The following HYDIN variants were observed in gnomAD, a reference collection of about 807,000 sequenced individuals.
The protein encoded by HYDIN is HYDIN axonemal central pair apparatus protein.
A neutral mutation model predicts 403.9 loss-of-function variants in HYDIN; 132 were observed. The observed-to-expected ratio is 0.33, with a 90% CI of 0.28 to 0.38. The LOEUF is 0.38. HYDIN is among the 10% of genes least tolerant of loss of function. The probability of loss-of-function intolerance (pLI) is 1.00; values close to 1 mark genes in which losing one functional copy is unlikely to be tolerated. For missense variants in HYDIN, 2,827 were observed against 5,009.5 expected, an observed-to-expected ratio of 0.56 and a Z score of 13.15; for synonymous variants, 1,202 against 1,891.7, an observed-to-expected ratio of 0.64 and a Z score of 9.46.
intron 75 of HYDIN, 48 bp from the exon 76 acceptor site, chr16:70,840,281 G>C: frequency 1.8e-6 from 2 of 1,137,912 alleles, no homozygotes; most frequent in Non-Finnish European, 1.2e-6. Context: ...GAAGTAGGAG[G>C]AGAGGGCTCT....
chr16:70,944,786 T>C (rs1351586924), intron 41 of HYDIN, among the ~76,000 whole-genome samples: 1 of 148,328 alleles, frequency 6.7e-6, no homozygotes, highest in Admixed American at 6.7e-5. Context: ...GGAGTCTCAC[T>C]CTGTTGCCCA....
intron 3 of HYDIN, among the ~76,000 whole-genome samples, chr16:71,179,257 T>A (rs1729345116): frequency 6.6e-6 from 1 of 152,060 alleles, no homozygotes; most frequent in Non-Finnish European, 1.5e-5. Flanking sequence ...AATAGAATAT[T>A]TAACTTTCAA....
chr16:71,099,847 A>T (rs1350844354), intron 10 of HYDIN, among the ~76,000 whole-genome samples: 4 of 151,830 alleles, frequency 2.6e-5, no homozygotes, highest in Non-Finnish European at 5.9e-5. Context: ...ACAACTTTTT[A>T]AAAAAGTTAG....
intron 8 of HYDIN, among the ~76,000 whole-genome samples, chr16:71,135,578 G>A (rs1362761294): frequency 6.8e-6 from 1 of 147,806 alleles, no homozygotes; most frequent in Non-Finnish European, 1.5e-5. Context: ...GAATGATACT[G>A]AAACACTACT....
At position 70,882,704 on chromosome 16, in the gene HYDIN, T is replaced by C. The variant is rs2040884606; in HGVS notation, c.10171A>G (p.Ile3391Val). 8.5e-6 allele frequency: 12 copies of C among 1,415,136 alleles called. No homozygotes were observed. The East Asian group carries it at 2.7e-4, about 32-fold the overall frequency. The allele number at this position is 1,415,136 out of a possible 1,614,324, so 87.7% of individuals were successfully genotyped here. ...ARFKISNVGK[I>V]TCDVNIVVRP... is the part of the protein sequence containing the mutation. ...ACTACAATGTTGACATCACAGGTGA[T>C]CTTTCCCACGTTGCTGATCTTGAAA... Residue 3391 changes from isoleucine (I) to valine (V), a missense_variant, in exon 60 of 86, where the codon ATC (isoleucine) becomes GTC (valine). Coordinates refer to ENST00000393567, the MANE Select transcript of HYDIN (RefSeq NM_001270974.2).
chr16:71,111,508 G>C (rs1458844492), intron 10 of HYDIN, among the ~76,000 whole-genome samples: 2 of 151,922 alleles, frequency 1.3e-5, no homozygotes, highest in Non-Finnish European at 2.9e-5. Flanking sequence ...AGAGTAACTT[G>C]GGTTTGTTGT....
intron 1 of HYDIN, among the ~76,000 whole-genome samples, chr16:71,193,873 C>T (rs1353885998): frequency 6.6e-6 from 1 of 152,124 alleles, no homozygotes; most frequent in East Asian, 1.9e-4. Context: ...ATCTTCTATT[C>T]CCAAGCCCCT....
Position 71,230,651 on chromosome 16 carries a change from G to T in HYDIN, c.-113C>A, listed in dbSNP as rs2041244447. ...TCACAGACCCCGCCGCCGCTGAGGG[G>T]CTCCATACCCAGCTTGAAGCCGCCC... On this transcript the variant is annotated 5_prime_UTR_variant, in exon 1 of 86. Coordinates refer to ENST00000393567, the MANE Select transcript of HYDIN (RefSeq NM_001270974.2). 4 of 1,536,026 alleles carry T rather than the reference G, an allele frequency of 2.6e-6. No homozygotes were observed. The highest frequency in any genetic ancestry group is 1.7e-6 in the Non-Finnish European group (2 of 1,146,872).
intron 11 of HYDIN, chr16:71,090,592 T>C (rs2083089518): frequency 6.6e-6 from 1 of 152,232 alleles, no homozygotes; most frequent in Admixed American, 6.5e-5. Context: ...CTTGAACTCC[T>C]AGGCTCAAGT....
rs374438008 is a variant in HYDIN at position 71,064,702 on chromosome 16, C to T, written c.2211+3G>A. Reference sequence around the variant, plus strand: ...AATACTGAAGAAGGAGAAAGGAACTCACCTGAGGCTGGACCTCATAGAATC... The same window carrying T: ...AATACTGAAGAAGGAGAAAGGAACTTACCTGAGGCTGGACCTCATAGAATC... On this transcript the variant is annotated splice_donor_region_variant and intron_variant, in intron 16 of 85. Transcript: ENST00000393567. The T allele has an allele frequency of 1.0e-4, 168 of 1,612,574 alleles. No homozygotes were observed. Among genetic ancestry groups the T allele is most frequent in the Non-Finnish European group, 1.3e-4 (153 of 1,179,628 alleles).
rs780598910 is a variant in HYDIN at position 71,069,406 on chromosome 16, C to G, written c.1835G>C (p.Ser612Thr). 1.9e-6 allele frequency: 3 copies of G among 1,614,024 alleles called. No individual in the cohort carries two copies. The African/African-American group carries it at 4.0e-5, about 22-fold the overall frequency. ...RIPGDGLGHK[S>T]ISYCEQHVDY... Reference sequence around the variant, plus strand: ...CACATGCTGCTCACAATATGAAATGCTTTTATGGCCAAGGCCATCCCCAGG... The same window carrying G: ...CACATGCTGCTCACAATATGAAATGGTTTTATGGCCAAGGCCATCCCCAGG... Residue 612 changes from serine (S) to threonine (T), a missense_variant, in exon 14 of 86, where the codon AGC (serine) becomes ACC (threonine). Physicochemically the swap from Ser to Thr is moderately conservative, Grantham distance 58. Coordinates refer to ENST00000393567, the MANE Select transcript of HYDIN (RefSeq NM_001270974.2).
chr16:70,902,808 TATATATATATATA>T (rs1404318159), intron 52 of HYDIN, among the ~76,000 whole-genome samples: 461 of 25,396 alleles, frequency 0.018, 5 homozygotes, highest in Middle Eastern at 0.042. Context: ...TATATATATA[TATATATATATATA>T]TTTTTTTTTT....
intron 1 of HYDIN, among the ~76,000 whole-genome samples, chr16:71,198,801 G>T (rs1380074022): frequency 1.3e-5 from 2 of 152,136 alleles, no homozygotes; most frequent in Non-Finnish European, 2.9e-5. Context: ...CATGTGATCT[G>T]TTGTATGTGA....
In HYDIN at chr16:70,862,283, T is replaced by G. The variant is rs570400127; in HGVS notation, c.11570-28A>C. 222 of 1,497,142 alleles carry G rather than the reference T, an allele frequency of 1.5e-4. 1 individual carries two copies. The African/African-American group carries it at 2.8e-3, about 19-fold the overall frequency. The allele number at this position is 1,497,142 out of a possible 1,614,324, so 92.7% of individuals were successfully genotyped here. A position where few individuals can be genotyped will look rare whatever the true frequency, so the allele number is the denominator to read the frequency against. On this transcript the variant is annotated intron_variant, in intron 68 of 85. Coordinates refer to ENST00000393567, the MANE Select transcript of HYDIN (RefSeq NM_001270974.2). ...GGGGACAGACAGGGAGTGGGTGATA[T>G]TCTGCATTTGCAGTGAGAGGCAGGT...
At position 70,981,428 on chromosome 16, in the gene HYDIN, A is replaced by G; in HGVS notation, c.4473T>C (p.Phe1491=). 1 of 1,613,730 alleles carries G rather than the reference A, an allele frequency of 6.2e-7. No homozygotes were observed. Among genetic ancestry groups the G allele is most frequent in the Non-Finnish European group, 8.5e-7 (1 of 1,179,824 alleles). The change falls in exon 29 of 86, where the codon TTT becomes TTC. Residue 1491 remains phenylalanine (F), a synonymous_variant. Coordinates refer to ENST00000393567, the MANE Select transcript of HYDIN (RefSeq NM_001270974.2). The part of the protein sequence containing the change: ...ENITLSGEGI[F]PQICLDLPRN... ...TGGGGAGATCGAGGCAGATTTGGGGAAAGATTCCCTCTCCGCTCAGAGTGA... is the reference window on the plus strand; with the variant it reads ...TGGGGAGATCGAGGCAGATTTGGGGGAAGATTCCCTCTCCGCTCAGAGTGA...
chr16:71,185,092 G>A, intron 2 of HYDIN, 102 bp from the exon 3 acceptor site: 5 of 682,356 alleles, frequency 7.3e-6, no homozygotes, highest in South Asian at 8.8e-5. Context: ...GCAGCTTTCA[G>A]GATAATTCTG....
chr16:71,040,140 G>T lies in HYDIN; in HGVS notation c.2530-8223C>A, dbSNP rs1434718527. Among the ~76,000 whole-genome samples, 3 of 152,196 alleles carry T rather than the reference G, an allele frequency of 2.0e-5. No individual in the cohort carries two copies. The East Asian group carries it at 5.9e-4, about 30-fold the overall frequency. On this transcript the variant is annotated intron_variant, in intron 18 of 85. Transcript: ENST00000393567. Reference sequence around the variant, plus strand: ...TCCCACCTGTGAGGGGTGGAGTGCAGCAGGTCCCAGTAAGTGGAGTTTGAT... The same window carrying T: ...TCCCACCTGTGAGGGGTGGAGTGCATCAGGTCCCAGTAAGTGGAGTTTGAT...
At chr16:70,893,173 T>G (rs2041577811) in intron 55 of HYDIN, among the ~76,000 whole-genome samples, 1 of 152,370 alleles carries the variant, frequency 6.6e-6, no homozygotes, top group South Asian at 2.1e-4. Context: ...CTTGCTTCCC[T>G]GCGCATTCTT....
chr16:70,989,662 C>T (rs2079282513), intron 25 of HYDIN, among the ~76,000 whole-genome samples: 1 of 152,126 alleles, frequency 6.6e-6, no homozygotes, highest in Non-Finnish European at 1.5e-5. Context: ...GTTGATTGTA[C>T]ATGATACAAA....
Sources: gnomAD v4.1 joint callset for allele counts (sites outside exome capture counted in the v4.1 genomes callset) on GRCh38, gnomAD v4.1.1 for gene constraint, MANE v1.5 for transcripts, NCBI Gene and HGNC (gene_info 2026-07-23, HGNC 2026-07-21) for gene names.